PSTPIP2: variants seen among roughly 807,000 people sequenced by gnomAD.
PSTPIP2 encodes the protein proline-serine-threonine phosphatase interacting protein 2, also known as proline-serine-threonine phosphatase-interacting protein 2.
Under a neutral mutation model 63.3 loss-of-function variants are expected in PSTPIP2, and 33 were observed. The observed-to-expected ratio is 0.52, with a 90% CI of 0.40 to 0.70. PSTPIP2 has a LOEUF of 0.70. Ranked by LOEUF, PSTPIP2 falls within the 30% of genes least tolerant of loss-of-function variation. The probability of loss-of-function intolerance (pLI) is 0.00; values close to 1 mark genes in which losing one functional copy is unlikely to be tolerated. For missense variants in PSTPIP2, 312 were observed against 400.7 expected (o/e 0.78, Z 1.89); for synonymous variants, 125 against 132.7 (o/e 0.94, Z 0.40).
At chr18:46,024,962 T>G (rs903255330) in intron 2 of PSTPIP2, among the ~76,000 whole-genome samples, 1 of 152,176 alleles carries the variant, frequency 6.6e-6, no homozygotes, top group African/African-American at 2.4e-5. Flanking sequence ...TTAAGTGGAA[T>G]AAGAAATGCC....
chr18:46,010,479 G>T (rs528432246), intron 5 of PSTPIP2, among the ~76,000 whole-genome samples: 1 of 152,196 alleles, frequency 6.6e-6, no homozygotes, highest in African/African-American at 2.4e-5. Context: ...CTACATGGCT[G>T]CAGGATCAGC....
intron 4 of PSTPIP2, among the ~76,000 whole-genome samples, chr18:46,013,366 A>G (rs942832509): frequency 6.6e-6 from 1 of 152,228 alleles, no homozygotes; most frequent in Admixed American, 6.5e-5. Context: ...AACTAGCTAC[A>G]GAAACACTTT....
intron 6 of PSTPIP2, among the ~76,000 whole-genome samples, chr18:46,003,072 T>C (rs781764203): frequency 1.2e-4 from 19 of 152,344 alleles, no homozygotes; most frequent in Non-Finnish European, 2.5e-4. Context: ...AGGCATCATC[T>C]CATTACTGTC....
At chr18:46,014,991 T>C (rs1042977617) in intron 4 of PSTPIP2, among the ~76,000 whole-genome samples, 2 of 151,974 alleles carry the variant, frequency 1.3e-5, no homozygotes, top group African/African-American at 4.8e-5. Context: ...ACCCGCAATA[T>C]GGAAAGGGAC....
intron 1 of PSTPIP2, among the ~76,000 whole-genome samples, chr18:46,064,085 T>C (rs758220366): frequency 6.6e-6 from 1 of 152,064 alleles, no homozygotes; most frequent in Admixed American, 6.6e-5. Flanking sequence ...AGGGCAGCCA[T>C]GCCAGCCCTG....
At position 46,037,742 on chromosome 18, in the gene PSTPIP2, C is replaced by T. The variant is rs140463446; in HGVS notation, c.134+2205G>A. On this transcript the variant is annotated intron_variant, in intron 2 of 14. Transcript: ENST00000409746. The stretch of plus-strand genomic sequence containing the variant: ...GGCCCAAAGCCAAGCAGGCCACACG[C>T]TCAGGGGCTGCATCTCCACGCCCAG... 4.7e-3 allele frequency among the ~76,000 whole-genome samples: 714 copies of T among 152,314 alleles called. 11 individuals are homozygous for T. Among genetic ancestry groups the T allele is most frequent in the Admixed American group, 0.029 (451 of 15,298 alleles).
intron 9 of PSTPIP2, among the ~76,000 whole-genome samples, chr18:45,997,296 C>T (rs1181027325): frequency 1.3e-5 from 2 of 152,086 alleles, no homozygotes; most frequent in African/African-American, 4.8e-5. Context: ...TCAAGCTATA[C>T]TCCTGCCTCA....
At chr18:46,065,430 C>T (rs985562031) in intron 1 of PSTPIP2, among the ~76,000 whole-genome samples, 25 of 151,180 alleles carry the variant, frequency 1.7e-4, no homozygotes, top group East Asian at 5.9e-4. Context: ...TAGCTGAGTA[C>T]AAGTGCCCAC....
intron 8 of PSTPIP2, among the ~76,000 whole-genome samples, chr18:45,998,475 A>T (rs2051627239): frequency 6.6e-6 from 1 of 151,968 alleles, no homozygotes; most frequent in Non-Finnish European, 1.5e-5. Context: ...CTACCACATG[A>T]CTCCACCATC....
At chr18:46,057,928 G>A (rs1453618926) in intron 1 of PSTPIP2, among the ~76,000 whole-genome samples, 2 of 150,064 alleles carry the variant, frequency 1.3e-5, no homozygotes, top group South Asian at 2.1e-4. Context: ...AACCCGGGAG[G>A]CGGAGCTTGC....
intron 2 of PSTPIP2, among the ~76,000 whole-genome samples, chr18:46,031,782 GA>G (rs1416921486): frequency 6.6e-6 from 1 of 152,082 alleles, no homozygotes; most frequent in Admixed American, 6.6e-5. Flanking sequence ...TTTCTTGTAA[GA>G]GGAAGACATC....
intron 10 of PSTPIP2, among the ~76,000 whole-genome samples, chr18:45,992,597 T>A (rs1431703310): frequency 6.6e-6 from 1 of 151,918 alleles, no homozygotes; most frequent in Non-Finnish European, 1.5e-5. Flanking sequence ...AAACATGGGT[T>A]TGATAGAGAG....
chr18:46,029,507 A>G, intron 2 of PSTPIP2: 1 of 848,468 alleles, frequency 1.2e-6, no homozygotes, highest in South Asian at 1.3e-5. Context: ...TGCCACATCT[A>G]GGAATGGACA....
Position 46,055,171 on chromosome 18 carries a change from C to T in PSTPIP2, c.34-15124G>A, listed in dbSNP as rs144145497. ...CCTGACATCCAGAAGGCTAGCTTGA[C>T]CTTACCACATCTCAATTCAAATGTC... is the stretch of plus-strand genomic sequence containing the variant. On this transcript the variant is annotated intron_variant, in intron 1 of 14. Coordinates refer to ENST00000409746, the MANE Select transcript of PSTPIP2 (RefSeq NM_024430.4). 9.9e-5 allele frequency among the ~76,000 whole-genome samples: 15 copies of T among 152,198 alleles called. No individual in the cohort carries two copies. The East Asian group carries it at 2.5e-3, about 26-fold the overall frequency.
At chr18:46,070,126 G>A (rs982648229) in intron 1 of PSTPIP2, among the ~76,000 whole-genome samples, 4 of 152,068 alleles carry the variant, frequency 2.6e-5, no homozygotes, top group Admixed American at 2.6e-4. Flanking sequence ...AGCTAGTAAG[G>A]GGCAGAACTG....
At chr18:45,993,152 T>C (rs577926505) in intron 10 of PSTPIP2, among the ~76,000 whole-genome samples, 3 of 152,340 alleles carry the variant, frequency 2.0e-5, no homozygotes, top group African/African-American at 7.2e-5. Flanking sequence ...TGGAGTGCAG[T>C]GGCACGATCT....
chr18:45,995,746 C>T (rs537602999), intron 9 of PSTPIP2, among the ~76,000 whole-genome samples: 1 of 152,270 alleles, frequency 6.6e-6, no homozygotes, highest in East Asian at 1.9e-4. Flanking sequence ...CTTCAAAAAG[C>T]GTGGCTGTGA....
intron 9 of PSTPIP2, 33 bp from the exon 10 acceptor site, chr18:45,993,736 G>A (rs757826865): frequency 1.3e-5 from 21 of 1,566,786 alleles, no homozygotes; most frequent in Non-Finnish European, 1.8e-5. Flanking sequence ...ACATAGATAT[G>A]CAAGGAAAAG....
At position 45,983,570 on chromosome 18, in the gene PSTPIP2, A is replaced by G. The variant is rs892660221; in HGVS notation, c.*1889T>C. 2 of 152,218 alleles carry G rather than the reference A, an allele frequency of 1.3e-5. No homozygotes were observed. Among genetic ancestry groups the G allele is most frequent in the African/African-American group, 4.8e-5 (2 of 41,462 alleles). 9.4% of individuals were successfully genotyped at this position (152,218 alleles called of 1,614,324 possible). ...ACCAAGAACCTTTATTTAACCTACC[A>G]AACTAAAAGAGCAATAAAATAAAAA... On this transcript the variant is annotated 3_prime_UTR_variant, in exon 15 of 15. Coordinates refer to ENST00000409746, the MANE Select transcript of PSTPIP2 (RefSeq NM_024430.4).
Sources: allele counts gnomAD v4.1 joint callset (sites outside exome capture counted in the v4.1 genomes callset), GRCh38; gene constraint gnomAD v4.1.1; transcripts MANE v1.5; gene names NCBI Gene and HGNC (gene_info 2026-07-23, HGNC 2026-07-21).